HSF5: variants seen among roughly 807,000 people sequenced by gnomAD.
HSF5 encodes the protein heat shock factor protein 5.
In HSF5, 5 loss-of-function variants were observed where a neutral mutation model predicts 50.8. The observed-to-expected ratio is 0.10, with a 90% CI of 0.05 to 0.21. HSF5 has a LOEUF of 0.21. Ranked by LOEUF, HSF5 falls within the 10% of genes least tolerant of loss-of-function variation. HSF5 has a pLI of 1.00. For synonymous variants in HSF5, 307 were observed against 307.4 expected (o/e 1.00, Z 0.02); for missense variants, 564 against 762.6 (o/e 0.74, Z 3.07).
intron 5 of HSF5, among the ~76,000 whole-genome samples, chr17:58,435,898 CAA>C (rs11458311): frequency 1.0e-4 from 6 of 60,278 alleles, no homozygotes; most frequent in Non-Finnish European, 6.7e-5. Context: ...GACTCCATCT[CAA>C]AAAAAAAAAA....
Position 58,420,673 on chromosome 17 carries a change from T to C in HSF5, c.*1687A>G, listed in dbSNP as rs1428909162. ...TCACATACTCTGACAAAATATTATA[T>C]AGTCTGGCCAAAAGATATAGGTGTC... On this transcript the variant is annotated 3_prime_UTR_variant, in exon 6 of 6. Transcript: ENST00000323777. 2 of 152,220 alleles carry C rather than the reference T, an allele frequency of 1.3e-5. No individual in the cohort carries two copies. Among genetic ancestry groups the C allele is most frequent in the South Asian group, 2.1e-4 (1 of 4,836 alleles). 9.4% of individuals were successfully genotyped at this position (152,220 alleles called of 1,614,324 possible). A position where few individuals can be genotyped will look rare whatever the true frequency, so the allele number is the denominator to read the frequency against.
chr17:58,449,857 A>T (rs1240499806), intron 5 of HSF5, among the ~76,000 whole-genome samples: 1 of 149,214 alleles, frequency 6.7e-6, no homozygotes, highest in Non-Finnish European at 1.5e-5. Context: ...CCCCGTCTCT[A>T]CTAAAAATAC....
rs1401373417 is a variant in HSF5, at chr17:58,421,704, T to C, written c.*656A>G. The C allele has an allele frequency of 6.6e-6, 1 of 152,542 alleles. No individual in the cohort carries two copies. The highest frequency in any genetic ancestry group is 2.4e-5 in the African/African-American group (1 of 41,478). 9.4% of individuals were successfully genotyped at this position (152,542 alleles called of 1,614,324 possible). On this transcript the variant is annotated 3_prime_UTR_variant, in exon 6 of 6. Transcript: ENST00000323777. ...AAAGAAAGATATGAAAATAGAAGAATGCTTCCATTAATATAAAAGAATCAG... is the reference window on the plus strand; with the variant it reads ...AAAGAAAGATATGAAAATAGAAGAACGCTTCCATTAATATAAAAGAATCAG...
chr17:58,484,436 T>C (rs1225046589), intron 1 of HSF5, among the ~76,000 whole-genome samples: 4 of 152,230 alleles, frequency 2.6e-5, no homozygotes, highest in Admixed American at 2.0e-4. Flanking sequence ...TTTAAGATAG[T>C]TGAGGGTAAA....
At chr17:58,435,774 C>T (rs1316324545) in intron 5 of HSF5, among the ~76,000 whole-genome samples, 5 of 151,646 alleles carry the variant, frequency 3.3e-5, no homozygotes, top group African/African-American at 9.7e-5. Context: ...TGGCGGGCGC[C>T]TGTAGTCCCA....
intron 5 of HSF5, among the ~76,000 whole-genome samples, chr17:58,447,140 A>G (rs1159398302): frequency 2.0e-5 from 3 of 152,140 alleles, no homozygotes; most frequent in East Asian, 1.9e-4. Flanking sequence ...AAAAGAGACG[A>G]AAGAGTGCAG....
intron 2 of HSF5, among the ~76,000 whole-genome samples, chr17:58,472,359 C>G (rs897405479): frequency 3.3e-5 from 5 of 152,076 alleles, no homozygotes; most frequent in African/African-American, 1.2e-4. Context: ...GCCTGTAGTC[C>G]TAGCTACCTG....
intron 3 of HSF5, 35 bp downstream of exon 3, chr17:58,466,850 A>G (rs1598196855): frequency 1.6e-6 from 2 of 1,288,200 alleles, no homozygotes; most frequent in East Asian, 2.3e-5. Flanking sequence ...TTGCACATAA[A>G]GCGCGGAGCA....
intron 5 of HSF5, among the ~76,000 whole-genome samples, chr17:58,446,092 G>A (rs766918990): frequency 1.1e-4 from 16 of 147,348 alleles, no homozygotes; most frequent in Non-Finnish European, 2.1e-4. Flanking sequence ...AGCCAAAATC[G>A]CGCCACTGCA....
chr17:58,460,570 C>A (rs993462881), intron 4 of HSF5, among the ~76,000 whole-genome samples: 1 of 150,602 alleles, frequency 6.6e-6, no homozygotes, highest in South Asian at 2.1e-4. Flanking sequence ...AGTGCAGTGG[C>A]GCGATCTCAG....
At chr17:58,431,976 G>A (rs1214785630) in intron 5 of HSF5, among the ~76,000 whole-genome samples, 2 of 152,206 alleles carry the variant, frequency 1.3e-5, no homozygotes, top group Non-Finnish European at 2.9e-5. Flanking sequence ...TAGAGTTTCA[G>A]TTTTGCAAGA....
At chr17:58,469,839 AT>A (rs1341693425) in intron 2 of HSF5, among the ~76,000 whole-genome samples, 2 of 152,310 alleles carry the variant, frequency 1.3e-5, no homozygotes, top group African/African-American at 4.8e-5. Context: ...TCAGATATAA[AT>A]ATAGGCATTA....
At chr17:58,441,862 T>G (rs947114739) in intron 5 of HSF5, among the ~76,000 whole-genome samples, 1 of 152,284 alleles carries the variant, frequency 6.6e-6, no homozygotes, top group Non-Finnish European at 1.5e-5. Flanking sequence ...GACTGTTGTA[T>G]GTTTCCTATT....
intron 5 of HSF5, among the ~76,000 whole-genome samples, chr17:58,455,517 C>T (rs937277634): frequency 6.6e-6 from 1 of 151,872 alleles, no homozygotes; most frequent in Non-Finnish European, 1.5e-5. Flanking sequence ...TAGCAAAAGA[C>T]ACAATACAAT....
chr17:58,475,597 C>G (rs1975002014), intron 2 of HSF5, among the ~76,000 whole-genome samples: 1 of 152,136 alleles, frequency 6.6e-6, no homozygotes, highest in Non-Finnish European at 1.5e-5. Context: ...GTCAAAATGC[C>G]CACTTAACCC....
intron 5 of HSF5, among the ~76,000 whole-genome samples, chr17:58,432,550 T>C (rs776146304): frequency 3.7e-4 from 57 of 152,034 alleles, no homozygotes; most frequent in Non-Finnish European, 4.3e-4. Context: ...GCTTAAACAA[T>C]AGTGAAGAAA....
intron 5 of HSF5, among the ~76,000 whole-genome samples, chr17:58,447,569 G>A (rs1307144453): frequency 6.6e-6 from 1 of 152,140 alleles, no homozygotes; most frequent in Non-Finnish European, 1.5e-5. Flanking sequence ...AGGGAAGAGT[G>A]TAGGGGGACT....
chr17:58,471,116 G>C (rs899921054), intron 2 of HSF5, among the ~76,000 whole-genome samples: 8 of 152,190 alleles, frequency 5.3e-5, no homozygotes, highest in Admixed American at 5.2e-4. Context: ...GGTTGGGGAA[G>C]ATGAAAAAGT....
chr17:58,422,317 C>T lies in HSF5; in HGVS notation c.*43G>A, dbSNP rs767501670. 1 of 1,417,150 alleles carries T rather than the reference C, an allele frequency of 7.1e-7. No individual in the cohort carries two copies. Among genetic ancestry groups the T allele is most frequent in the South Asian group, 1.2e-5 (1 of 85,724 alleles). 87.8% of individuals were successfully genotyped at this position (1,417,150 alleles called of 1,614,324 possible). On this transcript the variant is annotated 3_prime_UTR_variant, in exon 6 of 6. Transcript: ENST00000323777. Reference sequence around the variant, plus strand: ...TGTCATGTGCAAGGCTAGTCTGCCTCCAGCTACAGCTAGTGCACAATGTCA... The same window carrying T: ...TGTCATGTGCAAGGCTAGTCTGCCTTCAGCTACAGCTAGTGCACAATGTCA...
Sources: gnomAD v4.1 joint callset for allele counts (sites outside exome capture counted in the v4.1 genomes callset) on GRCh38, gnomAD v4.1.1 for gene constraint, MANE v1.5 for transcripts, NCBI Gene and HGNC (gene_info 2026-07-23, HGNC 2026-07-21) for gene names.